The following TGM1 variants were observed in gnomAD, a reference collection of about 807,000 sequenced individuals.
The protein encoded by TGM1 is transglutaminase 1.
Under a neutral mutation model 88.7 loss-of-function variants are expected in TGM1, and 63 were observed. The observed-to-expected ratio is 0.71, with a 90% confidence interval of 0.58 to 0.88. The LOEUF is 0.88. Ranked by LOEUF, TGM1 falls within the 40% of genes least tolerant of loss-of-function variation. The pLI is 0.00. For synonymous variants in TGM1, 415 were observed against 431.1 expected, an observed-to-expected ratio of 0.96 and a Z score of 0.46; for missense variants, 996 against 1,118.0, an observed-to-expected ratio of 0.89 and a Z score of 1.56.
rs1192750283 is a variant in TGM1, at chr14:24,254,160, G to A, written c.2217C>T (p.Leu739=). The part of the protein sequence containing the change: ...EGSGLQRPKI[L]NVGDIGGNET... Reference sequence around the variant, plus strand: ...GGAGAGGCCAGACTCACCCAACGTTGAGGATCTTGGGCCTCTGTAACCCAG... The same window carrying A: ...GGAGAGGCCAGACTCACCCAACGTTAAGGATCTTGGGCCTCTGTAACCCAG... Residue 739 remains leucine (L), a synonymous_variant, in exon 14 of 15, where the codon CTC becomes CTT. Coordinates refer to ENST00000206765, the MANE Select transcript of TGM1 (RefSeq NM_000359.3). The A allele has an allele frequency of 1.9e-6, 3 of 1,611,718 alleles. No individual in the cohort carries two copies. The highest frequency in any genetic ancestry group is 2.5e-6 in the Non-Finnish European group (3 of 1,178,996).
chr14:24,249,314 T>C lies in TGM1; in HGVS notation c.2453A>G (p.Ter818TrpextTer12), dbSNP rs2040679142. Reference sequence around the variant, plus strand: ...AGTCCCATTGCTCCTGGCACGGGGCTAAGCTCCACCTCGAGATGCCATAGG... The same window carrying C: ...AGTCCCATTGCTCCTGGCACGGGGCCAAGCTCCACCTCGAGATGCCATAGG... Reference protein sequence around the residue: ...TIPMASRGGA* With the variant: ...TIPMASRGGAW Residue 818 changes from the stop codon to tryptophan, a stop_lost, in exon 15 of 15, where the codon TAG (stop) becomes TGG (tryptophan). Coordinates refer to ENST00000206765, the MANE Select transcript of TGM1 (RefSeq NM_000359.3). 6.2e-7 allele frequency: 1 copy of C among 1,613,068 alleles called. No homozygotes were observed.
intron 14 of TGM1, among the ~76,000 whole-genome samples, chr14:24,253,949 T>C (rs568663446): frequency 3.9e-5 from 6 of 152,316 alleles, no homozygotes; most frequent in African/African-American, 1.4e-4. Context: ...GGACATGGCA[T>C]AGCACCAGGT....
intron 7 of TGM1, 67 bp from the exon 8 acceptor site, chr14:24,258,740 T>A: frequency 4.4e-6 from 7 of 1,599,130 alleles, no homozygotes; most frequent in Non-Finnish European, 6.0e-6. Flanking sequence ...GTGTCAGGAG[T>A]ATCAGGGGGA....
intron 8 of TGM1, 54 bp from the exon 9 acceptor site, chr14:24,258,442 A>G: frequency 6.2e-7 from 1 of 1,612,846 alleles, no homozygotes; most frequent in South Asian, 1.1e-5. Context: ...AGGAGTCCTC[A>G]GTTTCCCCAG....
Position 24,259,299 on chromosome 14 carries a change from C to A in TGM1, c.985-50G>T, listed in dbSNP as rs2040784839. 1 of 1,558,478 alleles carries A rather than the reference C, an allele frequency of 6.4e-7. No individual in the cohort carries two copies. The highest frequency in any genetic ancestry group is 1.4e-5 in the African/African-American group (1 of 73,504). Reference sequence around the variant, plus strand: ...GCGGAGGTGGAGGAGGGGCTCAGGACCTGCCATGTGGTCCATGGGGACCAG... The same window carrying A: ...GCGGAGGTGGAGGAGGGGCTCAGGAACTGCCATGTGGTCCATGGGGACCAG... On this transcript the variant is annotated intron_variant, in intron 6 of 14. Transcript: ENST00000206765. The surrounding 1 kb of genome is among the most constrained non-coding windows in gnomAD (Gnocchi z 5.7).
chr14:24,255,771 G>A lies in TGM1; in HGVS notation c.1491+218C>T, dbSNP rs2040745608. Among the ~76,000 whole-genome samples the A allele has an allele frequency of 6.6e-6, 1 of 152,208 alleles. No homozygotes were observed. The highest frequency in any genetic ancestry group is 1.5e-5 in the Non-Finnish European group (1 of 68,040). ...CAGTAATCCCTCACACTCAATGGCT[G>A]ACTTTACGACTAGTGAAGCAGTTTC... On this transcript the variant is annotated intron_variant, in intron 10 of 14. Transcript: ENST00000206765. The surrounding 1 kb of genome is among the most constrained non-coding windows in gnomAD (Gnocchi z 4.0).
In TGM1 at chr14:24,260,489, G is replaced by T. The variant is rs763663668; in HGVS notation, c.718C>A (p.Arg240Ser). The change falls in exon 4 of 15, where the codon CGC (arginine) becomes AGC (serine). Residue 240 changes from arginine to serine, a missense_variant. Coordinates refer to ENST00000206765, the MANE Select transcript of TGM1 (RefSeq NM_000359.3). ...TTGAAGAGGATGTAGATCTCATTGC[G>T]GGGGTCAAAGGGCAACTGGAACTCC... ...AGEFQLPFDP[R>S]NEIYILFNPW... The T allele has an allele frequency of 6.2e-7, 1 of 1,613,890 alleles. No homozygotes were observed. Among genetic ancestry groups the T allele is most frequent in the Non-Finnish European group, 8.5e-7 (1 of 1,179,944 alleles).
intron 4 of TGM1, 158 bp downstream of exon 4, chr14:24,260,292 C>T: frequency 7.8e-7 from 1 of 1,281,482 alleles, no homozygotes. Flanking sequence ...CTGGGCTGGC[C>T]ACCTTTCTGC....
Position 24,254,797 on chromosome 14 carries a change from T to C in TGM1, c.1955A>G (p.Tyr652Cys). The C allele has an allele frequency of 6.2e-7, 1 of 1,613,930 alleles. No individual in the cohort carries two copies. Among genetic ancestry groups the C allele is most frequent in the Non-Finnish European group, 8.5e-7 (1 of 1,180,022 alleles). ...ASDRVTMPVAYKEYRPHLVDQ... is the reference protein window; with the variant it reads ...ASDRVTMPVACKEYRPHLVDQ... ...CACAAGATGGGGCCGGTATTCCTTGTAGGCCACTGGCATGGTCACACGGTC... is the reference window on the plus strand; with the variant it reads ...CACAAGATGGGGCCGGTATTCCTTGCAGGCCACTGGCATGGTCACACGGTC... The change falls in exon 13 of 15, where the codon TAC becomes TGC. Residue 652 changes from tyrosine (Y) to cysteine (C), a missense_variant. Physicochemically the swap from Tyr to Cys is radical, Grantham distance 194. Transcript: ENST00000206765.
At chr14:24,256,602 G>T (rs1448897282) in intron 9 of TGM1, among the ~76,000 whole-genome samples, 1 of 152,202 alleles carries the variant, frequency 6.6e-6, no homozygotes, top group Non-Finnish European at 1.5e-5. Context: ...CCTTTCTACT[G>T]GGGGGAGCTG....
At position 24,255,151 on chromosome 14, in the gene TGM1, A is replaced by C. The variant is rs2040738481; in HGVS notation, c.1748T>G (p.Val583Gly). ...CCCCATCACCGCGTCCTGTGCCTCC[A>C]CCTGCATGGCCACATCCTCCGCTGA... Reference protein sequence around the residue: ...RGSAEDVAMQVEAQDAVMGQD... With the variant: ...RGSAEDVAMQGEAQDAVMGQD... Residue 583 changes from valine to glycine, a missense_variant, in exon 12 of 15, where the codon GTG (valine) becomes GGG (glycine). Transcript: ENST00000206765. The surrounding 1 kb of genome is among the most constrained non-coding windows in gnomAD (Gnocchi z 4.0). 1 of 1,613,966 alleles carries C rather than the reference A, an allele frequency of 6.2e-7. No individual in the cohort carries two copies. The highest frequency in any genetic ancestry group is 8.5e-7 in the Non-Finnish European group (1 of 1,179,996).
chr14:24,259,203 C>T lies in TGM1; in HGVS notation c.1031G>A (p.Gly344Asp). Residue 344 changes from glycine to aspartate, a missense_variant, in exon 7 of 15, where the codon GGT becomes GAT. Physicochemically the swap from Gly to Asp is moderately conservative, Grantham distance 94. Coordinates refer to ENST00000206765, the MANE Select transcript of TGM1 (RefSeq NM_000359.3). The surrounding 1 kb of genome is among the most constrained non-coding windows in gnomAD (Gnocchi z 5.7). ...TGGGTTGGTGCCTCGGGAGTAATCA[C>T]CAGACCAGTTCCCAATCAGGACTCC... ...DNGVLIGNWS[G>D]DYSRGTNPSA... The T allele has an allele frequency of 6.2e-7, 1 of 1,614,048 alleles. No homozygotes were observed. Among genetic ancestry groups the T allele is most frequent in the East Asian group, 2.2e-5 (1 of 44,884 alleles).
Position 24,249,506 on chromosome 14 carries a change from T to A in TGM1, c.2261A>T (p.Gln754Leu). The A allele has an allele frequency of 6.2e-7, 1 of 1,614,106 alleles. No homozygotes were observed. The highest frequency in any genetic ancestry group is 1.1e-5 in the South Asian group (1 of 91,084). ...IGGNETVTLR[Q>L]SFVPVRPGPR... ...GCCTGGTCGCACAGGCACAAACGAC[T>A]GGCGCAGTGTCACTGTTTCATTGCC... Residue 754 changes from glutamine (Q) to leucine (L), a missense_variant, in exon 15 of 15, where the codon CAG becomes CTG. Transcript: ENST00000206765.
chr14:24,255,029 C>T lies in TGM1; in HGVS notation c.1870G>A (p.Val624Ile), dbSNP rs2040736817. The T allele has an allele frequency of 1.2e-6, 2 of 1,614,120 alleles. No individual in the cohort carries two copies. Among genetic ancestry groups the T allele is most frequent in the Non-Finnish European group, 1.7e-6 (2 of 1,180,044 alleles). Residue 624 changes from valine to isoleucine, a missense_variant, in exon 12 of 15, where the codon GTC (valine) becomes ATC (isoleucine). Physicochemically the swap from Val to Ile is conservative, Grantham distance 29 (BLOSUM62 3). Coordinates refer to ENST00000206765, the MANE Select transcript of TGM1 (RefSeq NM_000359.3). This position sits in a 1 kb window ranked among gnomAD's most constrained non-coding sequence, Gnocchi z 4.0. ...LYLSVTFYTGVSGTIFKETKK... is the reference protein window; with the variant it reads ...LYLSVTFYTGISGTIFKETKK... ...GTCTCCTTGAAGATGGTACCACTGA[C>T]ACCAGTATAGAAAGTGACTGAGAGG...
chr14:24,262,927 A>G (rs2040827195), intron 1 of TGM1, among the ~76,000 whole-genome samples, 162 bp downstream of exon 1: 1 of 152,208 alleles, frequency 6.6e-6, no homozygotes, highest in Non-Finnish European at 1.5e-5. Flanking sequence ...AGGTGCCCGG[A>G]GCCTGTGCAC....
At chr14:24,253,962 C>T (rs2040721564) in intron 14 of TGM1, among the ~76,000 whole-genome samples, 190 bp downstream of exon 14, 1 of 152,150 alleles carries the variant, frequency 6.6e-6, no homozygotes, top group Non-Finnish European at 1.5e-5. Context: ...CACCAGGTGC[C>T]CAAGAGGTCT....
In TGM1 at chr14:24,249,518, A is replaced by C; in HGVS notation, c.2249T>G (p.Val750Gly). ...NVGDIGGNETVTLRQSFVPVR... is the reference protein window; with the variant it reads ...NVGDIGGNETGTLRQSFVPVR... ...AGGCACAAACGACTGGCGCAGTGTC[A>C]CTGTTTCATTGCCTCCAATGTCCCT... Residue 750 changes from valine to glycine, a missense_variant, in exon 15 of 15, where the codon GTG (valine) becomes GGG (glycine). Transcript: ENST00000206765. The C allele has an allele frequency of 1.9e-6, 3 of 1,614,022 alleles. No individual in the cohort carries two copies. The highest frequency in any genetic ancestry group is 2.5e-6 in the Non-Finnish European group (3 of 1,179,980).
Position 24,262,345 on chromosome 14 carries a change from TC to T in TGM1, c.7del (p.Asp3MetfsTer108). ...ACGGCCCACATCGGAACGTGGCCCATCCATCATGCCTGTTAGGAAGAGGCAG... is the reference window on the plus strand; with the variant it reads ...ACGGCCCACATCGGAACGTGGCCCATCATCATGCCTGTTAGGAAGAGGCAG... Reference protein sequence around the residue: MMDGPRSDVGRWG... With the variant: MMXGPRSDVGRWG... On this transcript the variant is annotated frameshift_variant, in exon 2 of 15. Transcript: ENST00000206765. LOFTEE classifies it high-confidence loss of function. 3.1e-6 allele frequency: 5 copies of T among 1,613,524 alleles called. No individual in the cohort carries two copies. Among genetic ancestry groups the T allele is most frequent in the Non-Finnish European group, 4.2e-6 (5 of 1,179,992 alleles).
chr14:24,260,413 T>C, intron 4 of TGM1, 37 bp downstream of exon 4: 1 of 1,613,578 alleles, frequency 6.2e-7, no homozygotes, highest in Non-Finnish European at 8.5e-7. Context: ...TGTCTTTCCC[T>C]CCCATCTACC....
Sources: allele counts gnomAD v4.1 joint callset (sites outside exome capture counted in the v4.1 genomes callset), GRCh38; gene constraint gnomAD v4.1.1; non-coding constraint Gnocchi (gnomAD v3.1); transcripts MANE v1.5; gene names NCBI Gene and HGNC (gene_info 2026-07-23, HGNC 2026-07-21).